CFAP92: variants seen among roughly 807,000 people sequenced by gnomAD.
The protein encoded by CFAP92 is cilia and flagella associated protein 92 (putative).
A neutral mutation model predicts 106.3 loss-of-function variants in CFAP92; 86 were observed. The observed-to-expected ratio is 0.81, with a 90% confidence interval of 0.68 to 0.97. CFAP92 has a LOEUF of 0.97. Ranked by LOEUF, CFAP92 falls within the 50% of genes least tolerant of loss-of-function variation. The probability of loss-of-function intolerance (pLI) is 0.00; values close to 1 mark genes in which losing one functional copy is unlikely to be tolerated. For missense variants in CFAP92, 1,204 were observed against 1,283.8 expected (o/e 0.94, Z 0.95); for synonymous variants, 477 against 506.4 (o/e 0.94, Z 0.78).
In CFAP92 at chr3:128,993,016, G is replaced by A. The variant is rs771710968; in HGVS notation, c.262+27C>T. On this transcript the variant is annotated intron_variant, in intron 2 of 15. Coordinates refer to ENST00000645291, the MANE Select transcript of CFAP92 (RefSeq NM_001394090.1). The stretch of plus-strand genomic sequence containing the variant: ...GTCATGCACCTCCTTTTTTCAGAGG[G>A]TGTTAAACTTCTGCTCTAGCACCTA... The A allele has an allele frequency of 7.4e-6, 12 of 1,612,190 alleles. No individual in the cohort carries two copies. In the East Asian group the frequency reaches 2.2e-4, roughly 30 times the overall value.
intron 15 of CFAP92, chr3:128,912,829 GGAGA>G (rs146518015): frequency 1.4e-6 from 1 of 695,082 alleles, no homozygotes; most frequent in South Asian, 1.4e-5. Flanking sequence ...GAACTGAGCC[GGAGA>G]GAGAGAATGG....
the CFAP92 span, among the ~76,000 whole-genome samples, chr3:129,016,057 A>G: frequency 0.011 from 1,707 of 152,320 alleles, 30 homozygotes; most frequent in African/African-American, 0.034. Context: ...AGAGAAAAAG[A>G]CAGCAGTGAC....
chr3:128,983,015 C>T (rs534146028), intron 4 of CFAP92, among the ~76,000 whole-genome samples: 8 of 152,216 alleles, frequency 5.3e-5, no homozygotes, highest in Non-Finnish European at 8.8e-5. Context: ...AGTGAGCACA[C>T]GAGGTTGAAA....
At position 128,966,572 on chromosome 3, in the gene CFAP92, T is replaced by TTC. The variant is rs201277893; in HGVS notation, c.1169-878_1169-877insGA. On this transcript the variant is annotated intron_variant, in intron 8 of 15. Coordinates refer to ENST00000645291, the MANE Select transcript of CFAP92 (RefSeq NM_001394090.1). ...AGAGCTGTCAGAATGCTTTTTCTTT[T>TTC]TTTTTTTTTTTTTTTTGAGACAGAG... 9.5e-4 allele frequency: 120 copies of TTC among 126,056 alleles called. No individual in the cohort carries two copies. The Middle Eastern group carries it at 0.012, about 12-fold the overall frequency. The allele number at this position is 126,056 out of a possible 1,614,324, so 7.8% of individuals were successfully genotyped here. A position where few individuals can be genotyped will look rare whatever the true frequency, so the allele number is the denominator to read the frequency against.
At chr3:128,951,577 C>A (rs1285165116) in intron 9 of CFAP92, among the ~76,000 whole-genome samples, 2 of 152,158 alleles carry the variant, frequency 1.3e-5, no homozygotes, top group South Asian at 4.1e-4. Flanking sequence ...CCTGGGTCTT[C>A]TATTTGCCTC....
At chr3:129,002,264 G>C in intron 1 of CFAP92, 2 of 1,531,106 alleles carry the variant, frequency 1.3e-6, no homozygotes, top group South Asian at 2.4e-5. Flanking sequence ...GCTTGCGCGA[G>C]TTGGTGGAGG....
At chr3:128,951,570 G>C (rs1329301639) in intron 9 of CFAP92, among the ~76,000 whole-genome samples, 1 of 152,136 alleles carries the variant, frequency 6.6e-6, no homozygotes, top group East Asian at 1.9e-4. Context: ...ATGGGATCCT[G>C]GGTCTTCTAT....
At chr3:128,914,905 C>T in intron 15 of CFAP92, 1 of 565,604 alleles carries the variant, frequency 1.8e-6, no homozygotes, top group Non-Finnish European at 3.1e-6. Flanking sequence ...TCAAGTCACA[C>T]AAATGTCACA....
chr3:128,952,469 A>T (rs1559889915), intron 9 of CFAP92, among the ~76,000 whole-genome samples: 2 of 152,190 alleles, frequency 1.3e-5, no homozygotes, highest in East Asian at 3.8e-4. Flanking sequence ...CACCTGTCAT[A>T]CCAGAAAAAT....
chr3:129,008,193 G>C, the CFAP92 span, among the ~76,000 whole-genome samples: 1 of 152,212 alleles, frequency 6.6e-6, no homozygotes, highest in Non-Finnish European at 1.5e-5. Flanking sequence ...CCATACCTGG[G>C]AACAAAACCC....
the CFAP92 span, among the ~76,000 whole-genome samples, chr3:129,025,259 A>G: frequency 6.6e-6 from 1 of 152,198 alleles, no homozygotes; most frequent in Admixed American, 6.5e-5. Flanking sequence ...AGAGGTCCTC[A>G]GAGGGCATCC....
intron 9 of CFAP92, among the ~76,000 whole-genome samples, chr3:128,965,296 T>G (rs1359777467): frequency 6.6e-6 from 1 of 152,192 alleles, no homozygotes; most frequent in African/African-American, 2.4e-5. Flanking sequence ...CTCCCTTTGC[T>G]GACTCTCTTT....
chr3:129,002,264 G>A, intron 1 of CFAP92: 1 of 1,531,106 alleles, frequency 6.5e-7, no homozygotes, highest in East Asian at 2.5e-5. Context: ...GCTTGCGCGA[G>A]TTGGTGGAGG....
At chr3:128,920,019 G>T (rs1937139123) in intron 12 of CFAP92, among the ~76,000 whole-genome samples, 1 of 152,138 alleles carries the variant, frequency 6.6e-6, no homozygotes, top group Non-Finnish European at 1.5e-5. Flanking sequence ...TAACAGACAT[G>T]CCAGGTAACA....
chr3:128,987,491 C>T lies in CFAP92; in HGVS notation c.667+125G>A. 3 of 791,988 alleles carry T rather than the reference C, an allele frequency of 3.8e-6. No homozygotes were observed. In the South Asian group the frequency reaches 5.2e-5, roughly 14 times the overall value. 49.1% of individuals were successfully genotyped at this position (791,988 alleles called of 1,614,324 possible). ...CATGGCCTGGTGGGATGCCCTGCAA[C>T]ATCTGCAAAACCCGTGTGTGCACAT... On this transcript the variant is annotated intron_variant, in intron 4 of 15. Coordinates refer to ENST00000645291, the MANE Select transcript of CFAP92 (RefSeq NM_001394090.1).
intron 5 of CFAP92, 98 bp from the exon 6 acceptor site, chr3:128,977,164 C>T: frequency 1.1e-6 from 1 of 882,114 alleles, no homozygotes; most frequent in East Asian, 2.6e-5. Context: ...AGTCTCTATG[C>T]AGAAGGCCTG....
At chr3:128,943,914 T>TACC (rs142141557) in intron 10 of CFAP92, among the ~76,000 whole-genome samples, 2 of 137,168 alleles carry the variant, frequency 1.5e-5, no homozygotes, top group African/African-American at 5.8e-5. Context: ...TTGGGTTATT[T>TACC]CCCCCGTTTT....
chr3:128,956,184 T>TAAAAAAAAAAAAA (rs369899266), intron 9 of CFAP92, among the ~76,000 whole-genome samples: 3 of 49,276 alleles, frequency 6.1e-5, no homozygotes, highest in Non-Finnish European at 1.1e-4. Context: ...AAAAATAAAT[T>TAAAAAAAAAAAAA]AAAAAAAAAA....
At chr3:128,924,771 A>G (rs1175662371) in intron 12 of CFAP92, among the ~76,000 whole-genome samples, 2 of 152,156 alleles carry the variant, frequency 1.3e-5, no homozygotes, top group African/African-American at 2.4e-5. Context: ...CTAGAAGAAC[A>G]TGTTTCCCAT....
Sources: gnomAD v4.1 joint callset for allele counts (sites outside exome capture counted in the v4.1 genomes callset) on GRCh38, gnomAD v4.1.1 for gene constraint, MANE v1.5 for transcripts, NCBI Gene and HGNC (gene_info 2026-07-23, HGNC 2026-07-21) for gene names.